The following ANO3 variants were observed in gnomAD, a reference collection of about 807,000 sequenced individuals.
ANO3 encodes the protein anoctamin-3.
ANO3 carries 99 observed loss-of-function variants against 144.8 expected under a neutral mutation model. The observed-to-expected ratio is 0.68, with a 90% CI of 0.58 to 0.81. ANO3 has a LOEUF of 0.81. Ranked by LOEUF, ANO3 falls within the 30% of genes least tolerant of loss-of-function variation. The pLI, the probability that ANO3 is intolerant of heterozygous loss-of-function variation, is 0.00. For synonymous variants in ANO3, 414 were observed against 392.6 expected, an observed-to-expected ratio of 1.05 and a Z score of -0.64; for missense variants, 905 against 1,202.2, an observed-to-expected ratio of 0.75 and a Z score of 3.66.
chr11:26,349,542 T>C (rs1855582397), intron 1 of ANO3, among the ~76,000 whole-genome samples: 3 of 151,978 alleles, frequency 2.0e-5, no homozygotes, highest in Admixed American at 1.3e-4. Flanking sequence ...TTATTGTTTG[T>C]TTGTTTTTGT....
chr11:26,563,857 G>T (rs1232216042), intron 14 of ANO3, among the ~76,000 whole-genome samples: 1 of 151,736 alleles, frequency 6.6e-6, no homozygotes, highest in Non-Finnish European at 1.5e-5. Flanking sequence ...GAGCTTACGG[G>T]AGTTCAAAAT....
At chr11:26,385,384 C>T (rs1162230010) in intron 1 of ANO3, among the ~76,000 whole-genome samples, 2 of 152,158 alleles carry the variant, frequency 1.3e-5, no homozygotes, top group African/African-American at 4.8e-5. Flanking sequence ...AATTATCTTA[C>T]AGTTCTGGAG....
At chr11:26,627,775 G>C (rs1490314781) in intron 18 of ANO3, among the ~76,000 whole-genome samples, 1 of 148,628 alleles carries the variant, frequency 6.7e-6, no homozygotes, top group Non-Finnish European at 1.5e-5. Flanking sequence ...AGTTTAAATG[G>C]ATAAAAATAT....
At chr11:26,265,982 G>T (rs552808068) in intron 1 of ANO3, among the ~76,000 whole-genome samples, 1 of 152,304 alleles carries the variant, frequency 6.6e-6, no homozygotes, top group South Asian at 2.1e-4. Context: ...GGAAAGTCCT[G>T]TCAGTGTCAT....
At chr11:26,306,436 C>T (rs1854385987), upstream of ANO3, among the ~76,000 whole-genome samples, 1 of 152,092 alleles carries the variant, frequency 6.6e-6, no homozygotes. Context: ...TGGTGGTTCA[C>T]ACTTATAATC....
intron 1 of ANO3, among the ~76,000 whole-genome samples, chr11:26,248,795 T>A (rs529334664): frequency 3.5e-4 from 54 of 152,314 alleles, no homozygotes; most frequent in African/African-American, 1.2e-3. Flanking sequence ...CAGGGACTAG[T>A]ACTGGATAGG....
In ANO3 at chr11:26,360,900, A is replaced by G. The variant is rs189735139; in HGVS notation, c.46+28579A>G. ...TGATAAGAATGTTTGTGACATACCT[A>G]CTGTTATTACGTGGATAACCTGACG... is the stretch of plus-strand genomic sequence containing the variant. On this transcript the variant is annotated intron_variant, in intron 1 of 26. Transcript: ENST00000256737. Among the ~76,000 whole-genome samples the G allele has an allele frequency of 2.4e-4, 36 of 152,310 alleles. 1 individual carries two copies. The highest frequency in any genetic ancestry group is 4.4e-4 in the Non-Finnish European group (30 of 68,024).
At chr11:26,349,424 AATT>A (rs1271247296) in intron 1 of ANO3, among the ~76,000 whole-genome samples, 6 of 152,184 alleles carry the variant, frequency 3.9e-5, no homozygotes, top group Admixed American at 6.5e-5. Flanking sequence ...AAGTATATAG[AATT>A]ATTATTATCA....
chr11:26,422,728 A>G (rs1000131170), intron 1 of ANO3, among the ~76,000 whole-genome samples: 2 of 152,032 alleles, frequency 1.3e-5, no homozygotes, highest in Non-Finnish European at 2.9e-5. Flanking sequence ...AAGAAATGGA[A>G]CTTTGGAACA....
At chr11:26,462,040 G>T (rs1859412862) in intron 3 of ANO3, among the ~76,000 whole-genome samples, 1 of 151,852 alleles carries the variant, frequency 6.6e-6, no homozygotes, top group Non-Finnish European at 1.5e-5. Flanking sequence ...CTAAAAACCT[G>T]ATACTATTAG....
chr11:26,483,902 A>G (rs1334395723), intron 4 of ANO3, among the ~76,000 whole-genome samples: 1 of 152,174 alleles, frequency 6.6e-6, no homozygotes, highest in Non-Finnish European at 1.5e-5. Context: ...TCATCAATGA[A>G]GTCTAAGCTG....
intron 1 of ANO3, among the ~76,000 whole-genome samples, chr11:26,411,011 T>C (rs759406565): frequency 6.6e-6 from 1 of 152,004 alleles, no homozygotes; most frequent in Non-Finnish European, 1.5e-5. Context: ...ATAAATCTAT[T>C]GGCTAAAATT....
At chr11:26,307,299 A>C (rs1854405649), upstream of ANO3, among the ~76,000 whole-genome samples, 1 of 152,304 alleles carries the variant, frequency 6.6e-6, no homozygotes, top group Admixed American at 6.5e-5. Flanking sequence ...GGTTGCAGTA[A>C]GCTAAGATTG....
intron 1 of ANO3, among the ~76,000 whole-genome samples, chr11:26,350,014 T>C (rs1006482108): frequency 6.6e-6 from 1 of 151,778 alleles, no homozygotes; most frequent in African/African-American, 2.4e-5. Context: ...ATCATTAATC[T>C]GAAAGAGACG....
intron 4 of ANO3, among the ~76,000 whole-genome samples, chr11:26,476,334 G>A (rs1859967683): frequency 6.6e-6 from 1 of 152,004 alleles, no homozygotes; most frequent in South Asian, 2.1e-4. Context: ...CTTCTCAGAA[G>A]GTATTAAGAG....
At chr11:26,329,283 ACTTT>A (rs1001567993), upstream of ANO3, among the ~76,000 whole-genome samples, 2 of 146,016 alleles carry the variant, frequency 1.4e-5, no homozygotes, top group East Asian at 2.1e-4. Context: ...TCCAAAACGT[ACTTT>A]CTTTCTTTAC....
intron 1 of ANO3, among the ~76,000 whole-genome samples, chr11:26,302,569 A>G (rs985031447): frequency 6.6e-6 from 1 of 152,196 alleles, no homozygotes; most frequent in East Asian, 1.9e-4. Flanking sequence ...TGAATAAACT[A>G]ACGGCCTTAA....
intron 6 of ANO3, among the ~76,000 whole-genome samples, chr11:26,517,891 A>G (rs1341974911): frequency 6.6e-6 from 1 of 152,038 alleles, no homozygotes; most frequent in African/African-American, 2.4e-5. Flanking sequence ...AGATGCAACC[A>G]TAGTCATTGC....
At position 26,418,276 on chromosome 11, in the gene ANO3, A is replaced by G. The variant is rs1464390653; in HGVS notation, c.47-23642A>G. On this transcript the variant is annotated intron_variant, in intron 1 of 26. Transcript: ENST00000256737. ...CAGGGTATGTTTGGGTTCACATTCT[A>G]CACATCAACAAAATTGCTTTTAGTT... Among the ~76,000 whole-genome samples, 4 of 152,126 alleles carry G rather than the reference A, an allele frequency of 2.6e-5. No individual in the cohort carries two copies. In the South Asian group the frequency reaches 8.3e-4, roughly 31 times the overall value.
Sources: allele counts gnomAD v4.1 joint callset (sites outside exome capture counted in the v4.1 genomes callset), GRCh38; gene constraint gnomAD v4.1.1; transcripts MANE v1.5; gene names NCBI Gene and HGNC (gene_info 2026-07-23, HGNC 2026-07-21).